MATN2: variants seen among roughly 807,000 people sequenced by gnomAD.
MATN2 encodes matrilin 2.
A neutral mutation model predicts 103.2 loss-of-function variants in MATN2; 69 were observed. The observed-to-expected ratio is 0.67, with a 90% CI of 0.55 to 0.82. The LOEUF is 0.82. Among genes scored for constraint, MATN2 ranks in the 40% least tolerant of loss-of-function variants. The pLI, the probability that MATN2 is intolerant of heterozygous loss-of-function variation, is 0.00. For missense variants in MATN2, 1,023 were observed against 1,211.5 expected, an observed-to-expected ratio of 0.84 and a Z score of 2.31; for synonymous variants, 429 against 450.2, an observed-to-expected ratio of 0.95 and a Z score of 0.60.
intron 1 of MATN2, among the ~76,000 whole-genome samples, chr8:97,886,560 A>AT (rs1818434445): frequency 1.3e-5 from 2 of 152,232 alleles, no homozygotes; most frequent in African/African-American, 4.8e-5. Context: ...AACATTCACT[A>AT]TTTTTAATAT....
chr8:97,940,037 C>G (rs1475655891), intron 3 of MATN2, among the ~76,000 whole-genome samples: 1 of 152,190 alleles, frequency 6.6e-6, no homozygotes, highest in Non-Finnish European at 1.5e-5. Context: ...CTTCAGCATT[C>G]CCCAGGCACT....
intron 4 of MATN2, among the ~76,000 whole-genome samples, chr8:97,952,783 C>T (rs959200822): frequency 6.6e-6 from 1 of 152,108 alleles, no homozygotes; most frequent in African/African-American, 2.4e-5. Flanking sequence ...TCAAATTTGG[C>T]CAGGTCTTTT....
chr8:97,922,541 A>G (rs1022168019), intron 2 of MATN2, among the ~76,000 whole-genome samples: 1 of 152,160 alleles, frequency 6.6e-6, no homozygotes, highest in African/African-American at 2.4e-5. Context: ...AGGCTCTAAG[A>G]CCAGGTTGGT....
intron 13 of MATN2, among the ~76,000 whole-genome samples, chr8:98,023,691 AAAAT>A (rs566751633): frequency 1.9e-3 from 283 of 152,274 alleles, no homozygotes; most frequent in Non-Finnish European, 3.5e-3. Flanking sequence ...TTTTTAATAA[AAAAT>A]AAATAAAGGT....
At chr8:97,939,392 A>AACAC (rs1438544983) in intron 3 of MATN2, among the ~76,000 whole-genome samples, 67 of 152,330 alleles carry the variant, frequency 4.4e-4, no homozygotes, top group South Asian at 1.0e-3. Context: ...CAAACAAACA[A>AACAC]AAAAACCACG....
At chr8:97,954,443 C>T (rs927814760) in intron 4 of MATN2, among the ~76,000 whole-genome samples, 1 of 152,192 alleles carries the variant, frequency 6.6e-6, no homozygotes, top group Non-Finnish European at 1.5e-5. Flanking sequence ...GTTTAACAAT[C>T]AGGTCTCCAG....
intron 4 of MATN2, among the ~76,000 whole-genome samples, chr8:97,951,576 G>A (rs1158936302): frequency 2.0e-5 from 3 of 152,072 alleles, no homozygotes; most frequent in African/African-American, 7.2e-5. Flanking sequence ...GCCCTCCAGG[G>A]GATGTCGATG....
At chr8:98,029,128 G>A (rs147627012) in intron 14 of MATN2, among the ~76,000 whole-genome samples, 41 of 152,274 alleles carry the variant, frequency 2.7e-4, no homozygotes, top group Middle Eastern at 3.4e-3. Flanking sequence ...GGTTCACATC[G>A]ACATTCACTC....
chr8:98,028,460 G>A (rs1222347297), intron 14 of MATN2, among the ~76,000 whole-genome samples: 1 of 152,134 alleles, frequency 6.6e-6, no homozygotes, highest in Non-Finnish European at 1.5e-5. Context: ...AAGCGTGCTC[G>A]AGGAGTATGA....
At chr8:97,892,802 T>C (rs1196959676) in intron 2 of MATN2, among the ~76,000 whole-genome samples, 2 of 152,154 alleles carry the variant, frequency 1.3e-5, no homozygotes, top group Non-Finnish European at 2.9e-5. Context: ...TCATGGATCC[T>C]CTGAAAAGGC....
intron 10 of MATN2, 57 bp from the exon 11 acceptor site, chr8:98,016,483 C>G (rs1813358718): frequency 6.7e-7 from 1 of 1,486,344 alleles, no homozygotes; most frequent in African/African-American, 1.4e-5. Context: ...TTGAATAAGC[C>G]ACTAATATAT....
At chr8:97,898,324 G>A (rs183880902) in intron 2 of MATN2, among the ~76,000 whole-genome samples, 50 of 152,218 alleles carry the variant, frequency 3.3e-4, no homozygotes, top group African/African-American at 1.1e-3. Flanking sequence ...GGCCGGGTGC[G>A]GTGGCTCATG....
chr8:98,021,745 GAGA>G (rs1246805734), intron 13 of MATN2, among the ~76,000 whole-genome samples: 7 of 150,754 alleles, frequency 4.6e-5, no homozygotes, highest in Admixed American at 6.6e-5. Context: ...TCTGAGAGTA[GAGA>G]AGATCTTTCT....
At chr8:97,881,698 T>G (rs1000533279) in intron 1 of MATN2, among the ~76,000 whole-genome samples, 14 of 152,190 alleles carry the variant, frequency 9.2e-5, no homozygotes, top group Admixed American at 9.2e-4. Flanking sequence ...CATTTTCCAG[T>G]TAGAAATGGG....
chr8:97,907,478 ATT>A (rs751836996), intron 2 of MATN2, among the ~76,000 whole-genome samples: 19,595 of 138,588 alleles, frequency 0.14, 1,423 homozygotes, highest in Non-Finnish European at 0.18. Context: ...CAGCTGGCTA[ATT>A]TTTTTTTTTT....
At position 97,958,779 on chromosome 8, in the gene MATN2, C is replaced by T. The variant is rs1032883931; in HGVS notation, c.836-2629C>T. 1.4e-4 allele frequency among the ~76,000 whole-genome samples: 22 copies of T among 152,174 alleles called. 1 individual carries two copies. The highest frequency in any genetic ancestry group is 2.9e-5 in the Non-Finnish European group (2 of 68,030). On this transcript the variant is annotated intron_variant, in intron 4 of 18. Coordinates refer to ENST00000254898, the MANE Select transcript of MATN2 (RefSeq NM_002380.5). ...AACTTGGGTGAAATTGCTGGTCTCC[C>T]TTTTTAAAGTTTTTCCCTTGAGTGG...
At chr8:97,917,660 G>A (rs1394956123) in intron 2 of MATN2, among the ~76,000 whole-genome samples, 1 of 152,266 alleles carries the variant, frequency 6.6e-6, no homozygotes, top group Non-Finnish European at 1.5e-5. Context: ...AAAGCAGGGT[G>A]TATGTGGGGG....
intron 1 of MATN2, among the ~76,000 whole-genome samples, chr8:97,878,072 A>G (rs540252227): frequency 5.6e-4 from 85 of 151,928 alleles, no homozygotes; most frequent in African/African-American, 1.5e-3. Context: ...TGTTTTATGG[A>G]AAAAAAAAGT....
At chr8:98,029,094 T>C (rs1308033531) in intron 14 of MATN2, among the ~76,000 whole-genome samples, 1 of 152,148 alleles carries the variant, frequency 6.6e-6, no homozygotes, top group Non-Finnish European at 1.5e-5. Context: ...ATTGGTGAAC[T>C]CCATTCCTCC....
Sources: gnomAD v4.1 joint callset for allele counts (sites outside exome capture counted in the v4.1 genomes callset) on GRCh38, gnomAD v4.1.1 for gene constraint, MANE v1.5 for transcripts, NCBI Gene and HGNC (gene_info 2026-07-23, HGNC 2026-07-21) for gene names.